Variants in TRDN observed in about 807,000 individuals in gnomAD.
The protein encoded by TRDN is triadin.
Under a neutral mutation model 149.7 loss-of-function variants are expected in TRDN, and 161 were observed. The observed-to-expected ratio is 1.08, with a 90% CI of 0.95 to 1.23. The LOEUF is 1.23. Among genes scored for constraint, TRDN ranks in the 50% most tolerant of loss-of-function variants. The pLI, the probability that TRDN is intolerant of heterozygous loss-of-function variation, is 0.00. For synonymous variants in TRDN, 294 were observed against 250.5 expected (o/e 1.17, Z -1.64); for missense variants, 896 against 823.5 (o/e 1.09, Z -1.08).
chr6:123,349,821 G>A (rs999591357), intron 21 of TRDN: 38 of 985,208 alleles, frequency 3.9e-5, no homozygotes, highest in Non-Finnish European at 4.2e-5. Context: ...ACACAAAGAA[G>A]AGAAGAATCT....
chr6:123,322,984 A>G (rs1250736855), intron 23 of TRDN, among the ~76,000 whole-genome samples: 1 of 152,064 alleles, frequency 6.6e-6, no homozygotes, highest in Non-Finnish European at 1.5e-5. Flanking sequence ...GAGGACAGGG[A>G]ATATGTCTTT....
intron 5 of TRDN, among the ~76,000 whole-genome samples, chr6:123,517,463 C>T (rs1779468310): frequency 6.6e-6 from 1 of 152,022 alleles, no homozygotes; most frequent in East Asian, 1.9e-4. Context: ...TCCTCTGTTA[C>T]AAATATTAGT....
At chr6:123,535,726 A>G (rs761106833) in intron 4 of TRDN, among the ~76,000 whole-genome samples, 1 of 152,204 alleles carries the variant, frequency 6.6e-6, no homozygotes, top group Non-Finnish European at 1.5e-5. Flanking sequence ...GGTGTTGAGA[A>G]TAAATAAAAA....
chr6:123,417,864 C>A (rs190069799), intron 12 of TRDN, among the ~76,000 whole-genome samples: 1 of 152,268 alleles, frequency 6.6e-6, no homozygotes, highest in Non-Finnish European at 1.5e-5. Context: ...CAGAGCAGAG[C>A]AGCTATATTC....
rs189153089 is a variant in TRDN at position 123,402,545 on chromosome 6, C to A, written c.1052-8868G>T. Reference sequence around the variant, plus strand: ...AGTTTGTTTAAAAGTAAATTATGGTCAAAATAATTGACCCTGAAATCTCAG... The same window carrying A: ...AGTTTGTTTAAAAGTAAATTATGGTAAAAATAATTGACCCTGAAATCTCAG... On this transcript the variant is annotated intron_variant, in intron 12 of 40. Transcript: ENST00000334268. Among the ~76,000 whole-genome samples the A allele has an allele frequency of 1.7e-3, 254 of 152,192 alleles. 1 individual carries two copies. The highest frequency in any genetic ancestry group is 0.013 in the Admixed American group (203 of 15,276).
intron 11 of TRDN, 116 bp downstream of exon 11, chr6:123,438,828 A>G: frequency 1.3e-6 from 1 of 751,982 alleles, no homozygotes; most frequent in Non-Finnish European, 2.1e-6. Flanking sequence ...TTCACTAATA[A>G]CAATGACAAT....
chr6:123,407,212 G>A (rs1773230313), intron 12 of TRDN, among the ~76,000 whole-genome samples: 1 of 152,034 alleles, frequency 6.6e-6, no homozygotes, highest in Admixed American at 6.6e-5. Flanking sequence ...CTACAGAGTG[G>A]GTTTGCATTG....
intron 4 of TRDN, among the ~76,000 whole-genome samples, chr6:123,532,708 C>A (rs1780307631): frequency 6.6e-6 from 1 of 151,620 alleles, no homozygotes; most frequent in Non-Finnish European, 1.5e-5. Context: ...CTGTTTAATC[C>A]CTGACTGATA....
intron 12 of TRDN, among the ~76,000 whole-genome samples, chr6:123,409,244 T>C (rs1053885876): frequency 6.6e-6 from 1 of 152,192 alleles, no homozygotes; most frequent in Non-Finnish European, 1.5e-5. Context: ...AGTACTTATG[T>C]AGAATATTTA....
chr6:123,381,539 G>C (rs1292390183), intron 15 of TRDN, 149 bp from the exon 16 acceptor site: 1 of 694,926 alleles, frequency 1.4e-6, no homozygotes, highest in African/African-American at 1.8e-5. Flanking sequence ...TCACAGTGAG[G>C]CTCTGAGGTA....
At chr6:123,337,402 G>T (rs1779912217) in intron 22 of TRDN, among the ~76,000 whole-genome samples, 1 of 150,218 alleles carries the variant, frequency 6.7e-6, no homozygotes, top group African/African-American at 2.4e-5. Context: ...TTTCTCTTTG[G>T]GATTTTTGGG....
intron 33 of TRDN, among the ~76,000 whole-genome samples, chr6:123,261,669 T>C (rs1322716336): frequency 1.3e-5 from 2 of 151,754 alleles, no homozygotes; most frequent in Non-Finnish European, 2.9e-5. Context: ...AGTAGCTATT[T>C]TCAAAATTCA....
chr6:123,381,956 GCT>G lies in TRDN; in HGVS notation c.1165+160_1165+161del, dbSNP rs55997261. Among the ~76,000 whole-genome samples the G allele has an allele frequency of 0.015, 2,032 of 138,140 alleles. 10 individuals are homozygous for G. The highest frequency in any genetic ancestry group is 0.019 in the East Asian group (87 of 4,600). The allele number at this position is 138,140 out of a possible 152,430, so 90.6% of individuals were successfully genotyped here. ...GCAGTATTGTCAGAATAGATTTGGC[GCT>G]CTCTCTCTCTCTCTCTCTCTCTCTC... On this transcript the variant is annotated intron_variant, in intron 15 of 40. Transcript: ENST00000334268.
chr6:123,315,151 A>AT (rs1778978418), intron 24 of TRDN, among the ~76,000 whole-genome samples: 1 of 152,048 alleles, frequency 6.6e-6, no homozygotes, highest in South Asian at 2.1e-4. Flanking sequence ...AAAGGACAAC[A>AT]TAATGCACCT....
At chr6:123,310,060 T>C (rs1403378332) in intron 24 of TRDN, among the ~76,000 whole-genome samples, 1 of 152,060 alleles carries the variant, frequency 6.6e-6, no homozygotes, top group Admixed American at 6.6e-5. Flanking sequence ...AACTGAAGTT[T>C]TGTGGGTAGC....
chr6:123,230,050 A>T (rs1477934085), intron 38 of TRDN, among the ~76,000 whole-genome samples: 2 of 151,884 alleles, frequency 1.3e-5, no homozygotes, highest in African/African-American at 4.8e-5. Context: ...TAGTTACCAT[A>T]ATTGAAATTA....
intron 33 of TRDN, among the ~76,000 whole-genome samples, chr6:123,260,841 G>T (rs1776745688): frequency 6.6e-6 from 1 of 151,434 alleles, no homozygotes; most frequent in African/African-American, 2.4e-5. Flanking sequence ...CATCTATTTT[G>T]AAAATAGAAC....
At position 123,255,913 on chromosome 6, in the gene TRDN, G is replaced by A; in HGVS notation, c.1871-11C>T. 1 of 1,276,682 alleles carries A rather than the reference G, an allele frequency of 7.8e-7. No individual in the cohort carries two copies. The highest frequency in any genetic ancestry group is 1.0e-6 in the Non-Finnish European group (1 of 989,106). The allele number at this position is 1,276,682 out of a possible 1,614,324, so 79.1% of individuals were successfully genotyped here. A position where few individuals can be genotyped will look rare whatever the true frequency, so the allele number is the denominator to read the frequency against. ...TCATGTCTGCTTTTTCTGTATAGAA[G>A]AAACAGTAACAGGGTAATTTATTTT... is the stretch of plus-strand genomic sequence containing the variant. On this transcript the variant is annotated splice_polypyrimidine_tract_variant and intron_variant, in intron 35 of 40. Transcript: ENST00000334268.
intron 12 of TRDN, among the ~76,000 whole-genome samples, chr6:123,425,488 G>A (rs1270162526): frequency 6.6e-6 from 1 of 151,978 alleles, no homozygotes; most frequent in Non-Finnish European, 1.5e-5. Flanking sequence ...AGATCACCAA[G>A]GTAGTGAGGA....
Sources: allele counts gnomAD v4.1 joint callset (sites outside exome capture counted in the v4.1 genomes callset), GRCh38; gene constraint gnomAD v4.1.1; transcripts MANE v1.5; gene names NCBI Gene and HGNC (gene_info 2026-07-23, HGNC 2026-07-21).